The following DGLUCY variants were observed in gnomAD, a reference collection of about 807,000 sequenced individuals.
DGLUCY encodes D-glutamate cyclase.
A neutral mutation model predicts 58.5 loss-of-function variants in DGLUCY; 58 were observed. The ratio of observed to expected loss-of-function variants is 0.99; its 90% CI spans 0.80 to 1.23. DGLUCY has a LOEUF of 1.23. Ranked by LOEUF, DGLUCY falls within the 50% of genes most tolerant of loss-of-function variation. The pLI, the probability that DGLUCY is intolerant of heterozygous loss-of-function variation, is 0.00. For synonymous variants in DGLUCY, 325 were observed against 314.1 expected, an observed-to-expected ratio of 1.03 and a Z score of -0.37; for missense variants, 779 against 784.7, an observed-to-expected ratio of 0.99 and a Z score of 0.09.
intron 8 of DGLUCY, among the ~76,000 whole-genome samples, chr14:91,183,925 G>A (rs908775084): frequency 6.6e-6 from 1 of 152,080 alleles, no homozygotes; most frequent in Non-Finnish European, 1.5e-5. Context: ...CTCATGGGCC[G>A]TGCTCCTAAA....
At chr14:91,218,994 A>T (rs1197849213) in intron 13 of DGLUCY, among the ~76,000 whole-genome samples, 1 of 151,820 alleles carries the variant, frequency 6.6e-6, no homozygotes, top group Non-Finnish European at 1.5e-5. Flanking sequence ...AGCCTGGCCA[A>T]TATGGTGAAA....
chr14:91,105,319 A>C (rs1595650136), upstream of DGLUCY, among the ~76,000 whole-genome samples: 1 of 152,090 alleles, frequency 6.6e-6, no homozygotes, highest in Admixed American at 6.6e-5. Flanking sequence ...CATCTCACAC[A>C]AAAAAAGAAA....
At chr14:91,212,722 G>C (rs917803303) in intron 12 of DGLUCY, among the ~76,000 whole-genome samples, 4 of 148,968 alleles carry the variant, frequency 2.7e-5, no homozygotes, top group African/African-American at 9.9e-5. Flanking sequence ...TGAAGAAAAG[G>C]CTGGGCGCAG....
intron 1 of DGLUCY, among the ~76,000 whole-genome samples, chr14:91,077,459 AAAAAC>A (rs767956516): frequency 2.6e-5 from 4 of 151,578 alleles, no homozygotes; most frequent in Non-Finnish European, 4.4e-5. Flanking sequence ...AGAACAAAGA[AAAAAC>A]AAAAAGAGGC....
rs775057076 is a variant in DGLUCY, at chr14:91,188,915, C to CG, written c.945dup (p.Ile316AspfsTer7). ...TTCTATTTTTGTCATTTCAGGGAAC[C>CG]GGGGGATTGGGCACCTGCTCTGTAA... On this transcript the variant is annotated frameshift_variant, in exon 9 of 14. Transcript: ENST00000256324. LOFTEE classifies it high-confidence loss of function. 1 of 1,612,642 alleles carries CG rather than the reference C, an allele frequency of 6.2e-7. No individual in the cohort carries two copies. Among genetic ancestry groups the CG allele is most frequent in the South Asian group, 1.1e-5 (1 of 90,698 alleles).
At chr14:91,077,031 G>T (rs986431656) in intron 1 of DGLUCY, among the ~76,000 whole-genome samples, 4 of 152,098 alleles carry the variant, frequency 2.6e-5, no homozygotes, top group African/African-American at 9.7e-5. Context: ...GATCACTTGA[G>T]CCCAGGAGTA....
chr14:91,220,346 G>A (rs986636302), intron 13 of DGLUCY: 3 of 389,458 alleles, frequency 7.7e-6, no homozygotes, highest in Non-Finnish European at 1.6e-5. Flanking sequence ...ATAGTATCTG[G>A]CATGGATTAA....
chr14:91,161,486 C>T (rs893636856), intron 3 of DGLUCY, among the ~76,000 whole-genome samples: 1 of 152,176 alleles, frequency 6.6e-6, no homozygotes, highest in Non-Finnish European at 1.5e-5. Flanking sequence ...GGGGATAGAC[C>T]ATCCAAGATG....
At position 91,225,029 on chromosome 14, in the gene DGLUCY, T is replaced by G; in HGVS notation, c.*196T>G. The G allele has an allele frequency of 2.0e-6, 1 of 504,366 alleles. No individual in the cohort carries two copies. The highest frequency in any genetic ancestry group is 3.3e-6 in the Non-Finnish European group (1 of 305,414). 31.2% of individuals were successfully genotyped at this position (504,366 alleles called of 1,614,324 possible). ...AGGTGCTGTGGACAAAGGACAACAT[T>G]TCTCTGGGGCTTTTTAACTTTTATT... On this transcript the variant is annotated 3_prime_UTR_variant, in exon 14 of 14. Transcript: ENST00000256324.
At chr14:91,222,125 C>T (rs1887611906) in intron 13 of DGLUCY, among the ~76,000 whole-genome samples, 1 of 152,216 alleles carries the variant, frequency 6.6e-6, no homozygotes, top group South Asian at 2.1e-4. Context: ...TTCAGGCGCC[C>T]TGCCCTCCAG....
At position 91,224,802 on chromosome 14, in the gene DGLUCY, A is replaced by T; in HGVS notation, c.1835A>T (p.Lys612Met). 1 of 1,613,440 alleles carries T rather than the reference A, an allele frequency of 6.2e-7. No homozygotes were observed. The highest frequency in any genetic ancestry group is 8.5e-7 in the Non-Finnish European group (1 of 1,179,546). Residue 612 changes from lysine to methionine, a missense_variant, in exon 14 of 14, where the codon AAG becomes ATG. Physicochemically the swap from Lys to Met is moderately conservative, Grantham distance 95 (BLOSUM62 -1). Coordinates refer to ENST00000256324, the MANE Select transcript of DGLUCY (RefSeq NM_001102368.3). ...AACACCCACGCCGAGATGATCCAGA[A>T]GCTGGTGGACGTCACCACGGCACAG... is the stretch of plus-strand genomic sequence containing the variant. ...FHNTHAEMIQ[K>M]LVDVTTAQV
At chr14:91,084,321 A>G (rs761580743) in intron 1 of DGLUCY, among the ~76,000 whole-genome samples, 4 of 150,738 alleles carry the variant, frequency 2.7e-5, no homozygotes, top group Non-Finnish European at 5.9e-5. Context: ...TTCGTGCCTC[A>G]GCCTCCCGAG....
chr14:91,103,887 A>C (rs1595647623), upstream of DGLUCY, among the ~76,000 whole-genome samples: 2 of 144,634 alleles, frequency 1.4e-5, no homozygotes, highest in South Asian at 2.2e-4. Flanking sequence ...CCCCGCCCCC[A>C]CCTCCAGCTC....
At chr14:91,141,915 G>A (rs2046712443) in intron 1 of DGLUCY, among the ~76,000 whole-genome samples, 1 of 149,586 alleles carries the variant, frequency 6.7e-6, no homozygotes, top group Non-Finnish European at 1.5e-5. Context: ...GCGTGATCTC[G>A]GCCCACTGCA....
intron 1 of DGLUCY, among the ~76,000 whole-genome samples, chr14:91,090,077 T>C (rs1347053039): frequency 1.3e-5 from 2 of 152,192 alleles, no homozygotes; most frequent in Non-Finnish European, 2.9e-5. Context: ...AACATCTGAC[T>C]GTGCAGGTAT....
intron 1 of DGLUCY, among the ~76,000 whole-genome samples, chr14:91,121,907 G>A (rs1393783442): frequency 5.3e-5 from 8 of 152,078 alleles, no homozygotes; most frequent in Non-Finnish European, 2.9e-5. Flanking sequence ...CACAGGCACT[G>A]GCCATGTCTG....
intron 11 of DGLUCY, among the ~76,000 whole-genome samples, chr14:91,203,459 G>C (rs1174798887): frequency 1.3e-5 from 2 of 152,194 alleles, no homozygotes; most frequent in African/African-American, 4.8e-5. Context: ...TGTTCCATAG[G>C]CTTGGAGAGT....
chr14:91,071,504 A>G (rs2043918631), intron 1 of DGLUCY, among the ~76,000 whole-genome samples: 1 of 152,228 alleles, frequency 6.6e-6, no homozygotes, highest in Non-Finnish European at 1.5e-5. Flanking sequence ...ATTAAAAAAA[A>G]TACTGAAGAT....
At chr14:91,066,151 G>A (rs2043815259) in intron 1 of DGLUCY, among the ~76,000 whole-genome samples, 1 of 152,190 alleles carries the variant, frequency 6.6e-6, no homozygotes, top group Non-Finnish European at 1.5e-5. Context: ...GCCAAGGCAG[G>A]AGGATCACCT....
Sources: allele counts gnomAD v4.1 joint callset (sites outside exome capture counted in the v4.1 genomes callset), GRCh38; gene constraint gnomAD v4.1.1; transcripts MANE v1.5; gene names NCBI Gene and HGNC (gene_info 2026-07-23, HGNC 2026-07-21).